ZNF777: variants seen among roughly 807,000 people sequenced by gnomAD.
ZNF777 encodes the protein zinc finger protein 777.
ZNF777 carries 7 observed loss-of-function variants against 72.1 expected under a neutral mutation model. That is an observed-to-expected ratio of 0.10 (90% CI 0.06 to 0.18). The LOEUF is 0.18. ZNF777 is among the 10% of genes least tolerant of loss of function. ZNF777 has a pLI of 1.00. For missense variants in ZNF777, 828 were observed against 1,128.6 expected (o/e 0.73, Z 3.82); for synonymous variants, 545 against 483.5 (o/e 1.13, Z -1.67).
At chr7:149,439,853 A>C (rs946063036) in intron 4 of ZNF777, among the ~76,000 whole-genome samples, 1 of 152,212 alleles carries the variant, frequency 6.6e-6, no homozygotes, top group African/African-American at 2.4e-5. Context: ...GAAAATAAAG[A>C]AACTTTGGGA....
chr7:149,448,373 G>C (rs1360160848), intron 4 of ZNF777, among the ~76,000 whole-genome samples: 2 of 151,108 alleles, frequency 1.3e-5, no homozygotes, highest in East Asian at 3.9e-4. Context: ...AGGAGGCTGA[G>C]GCAAGAGAAT....
intron 4 of ZNF777, among the ~76,000 whole-genome samples, chr7:149,443,637 CTTCT>C (rs905035024): frequency 4.6e-5 from 7 of 152,082 alleles, no homozygotes; most frequent in African/African-American, 1.7e-4. Flanking sequence ...TTCTTCAAAA[CTTCT>C]TTTTTTTGAG....
intron 4 of ZNF777, among the ~76,000 whole-genome samples, chr7:149,444,472 CT>C (rs1291195674): frequency 6.6e-6 from 1 of 152,176 alleles, no homozygotes; most frequent in African/African-American, 2.4e-5. Context: ...CGGAATGCCC[CT>C]GGGCCGTGTG....
chr7:149,456,439 C>T (rs938110835), intron 1 of ZNF777, among the ~76,000 whole-genome samples: 2 of 152,160 alleles, frequency 1.3e-5, no homozygotes, highest in Admixed American at 6.5e-5. Context: ...GTCCTGTGTC[C>T]TCATCCATAA....
At chr7:149,439,799 C>A (rs1273239904) in intron 4 of ZNF777, among the ~76,000 whole-genome samples, 2 of 152,014 alleles carry the variant, frequency 1.3e-5, no homozygotes, top group African/African-American at 4.8e-5. Context: ...TTAAGTTATC[C>A]TTAGTGATTA....
intron 4 of ZNF777, among the ~76,000 whole-genome samples, chr7:149,449,050 T>C (rs892250633): frequency 1.3e-4 from 20 of 152,236 alleles, no homozygotes; most frequent in African/African-American, 4.8e-4. Flanking sequence ...TTGCTGCCAT[T>C]CTGCAAAAGG....
chr7:149,447,467 C>T (rs1799625590), intron 4 of ZNF777, among the ~76,000 whole-genome samples: 1 of 152,202 alleles, frequency 6.6e-6, no homozygotes, highest in Admixed American at 6.5e-5. Context: ...TACCCTCCCT[C>T]TACTCTTACT....
At position 149,432,521 on chromosome 7, in the gene ZNF777, C is replaced by G. The variant is rs772762582; in HGVS notation, c.1751G>C (p.Arg584Pro). The G allele has an allele frequency of 3.1e-6, 5 of 1,613,790 alleles. No homozygotes were observed. The highest frequency in any genetic ancestry group is 4.2e-6 in the Non-Finnish European group (5 of 1,179,894). ...GTGCAGCGTGAGCTGTTGCTTGTGCCGGAAGCTGATCTCGCATTCGGCGCA... is the reference window on the plus strand; with the variant it reads ...GTGCAGCGTGAGCTGTTGCTTGTGCGGGAAGCTGATCTCGCATTCGGCGCA... ...YECAECEISFRHKQQLTLHQR... is the reference protein window; with the variant it reads ...YECAECEISFPHKQQLTLHQR... Residue 584 changes from arginine to proline, a missense_variant, in exon 6 of 6, where the codon CGG becomes CCG. By Grantham distance (103) the Arg-to-Pro change is moderately radical. Around this residue, in one of 12 missense-constraint regions of ZNF777, gnomAD observed 100 missense variants for 106.2 expected, o/e 0.94. Coordinates refer to ENST00000247930, the MANE Select transcript of ZNF777 (RefSeq NM_015694.3).
intron 4 of ZNF777, among the ~76,000 whole-genome samples, chr7:149,445,149 G>A (rs1799581541): frequency 1.3e-5 from 2 of 151,496 alleles, no homozygotes; most frequent in South Asian, 4.2e-4. Flanking sequence ...TCTCTAATTT[G>A]TACTATTACA....
intron 4 of ZNF777, among the ~76,000 whole-genome samples, chr7:149,448,722 T>C (rs1270547881): frequency 1.3e-5 from 2 of 151,540 alleles, no homozygotes; most frequent in East Asian, 3.9e-4. Flanking sequence ...ATTTCAGCCA[T>C]GCCTTCTGGT....
chr7:149,432,411 G>T lies in ZNF777; in HGVS notation c.1861C>A (p.Pro621Thr), dbSNP rs1427135783. ...FNPKHALKPR[P>T]KSPSSGSGGG... ...CCGCTACCAGAGCTGGGTGACTTGG[G>T]ACGCGGCTTGAGCGCGTGCTTGGGG... The change falls in exon 6 of 6, where the codon CCC becomes ACC. Residue 621 changes from proline to threonine, a missense_variant. Physicochemically the swap from Pro to Thr is conservative, Grantham distance 38 (BLOSUM62 -1). This residue lies in a region of ZNF777 where 100 missense variants were observed against 106.2 expected (regional missense o/e 0.94). Transcript: ENST00000247930. 5.0e-6 allele frequency: 8 copies of T among 1,613,312 alleles called. No individual in the cohort carries two copies. The highest frequency in any genetic ancestry group is 6.8e-6 in the Non-Finnish European group (8 of 1,179,952).
rs937438880 is a variant in ZNF777 at position 149,451,085 on chromosome 7, A to G, written c.1001T>C (p.Met334Thr). Residue 334 changes from methionine (M) to threonine (T), a missense_variant, in exon 4 of 6, where the codon ATG (methionine) becomes ACG (threonine). Physicochemically the swap from Met to Thr is moderately conservative, Grantham distance 81. Around this residue, in one of 12 missense-constraint regions of ZNF777, gnomAD observed 73 missense variants for 90.6 expected, o/e 0.81. Transcript: ENST00000247930. ...CCGCTCCCCGCGCTCCATCTGTGAC[A>G]TGAGGTCTGGTTTGGAAATTGCATA... is the stretch of plus-strand genomic sequence containing the variant. ...MDYAISKPDL[M>T]SQMERGERPT... 1.9e-6 allele frequency: 3 copies of G among 1,613,896 alleles called. No homozygotes were observed. Among genetic ancestry groups the G allele is most frequent in the Non-Finnish European group, 2.5e-6 (3 of 1,180,030 alleles).
At chr7:149,435,922 A>C (rs1223741525) in intron 5 of ZNF777, among the ~76,000 whole-genome samples, 2 of 152,248 alleles carry the variant, frequency 1.3e-5, no homozygotes, top group Non-Finnish European at 2.9e-5. Flanking sequence ...TAAGTCCAAT[A>C]GTGAATTCAA....
intron 1 of ZNF777, chr7:149,459,640 C>G (rs534436563): frequency 1.0e-6 from 1 of 985,190 alleles, no homozygotes; most frequent in East Asian, 1.1e-4. Context: ...GCTGCCGCAC[C>G]GTGCCACGGA....
At position 149,432,298 on chromosome 7, in the gene ZNF777, G is replaced by A; in HGVS notation, c.1974C>T (p.His658=). Residue 658 remains histidine, a synonymous_variant, in exon 6 of 6, where the codon CAC becomes CAT. Coordinates refer to ENST00000247930, the MANE Select transcript of ZNF777 (RefSeq NM_015694.3). ...KSSLTKHQIT[H]TGERPYTCPE... ...GGCACGTGTAGGGCCGCTCACCCGTGTGCGTGATCTGGTGTTTGGTCAGGC... is the reference window on the plus strand; with the variant it reads ...GGCACGTGTAGGGCCGCTCACCCGTATGCGTGATCTGGTGTTTGGTCAGGC... 6.2e-7 allele frequency: 1 copy of A among 1,609,884 alleles called. No homozygotes were observed. Among genetic ancestry groups the A allele is most frequent in the South Asian group, 1.1e-5 (1 of 91,078 alleles).
At chr7:149,453,196 G>C (rs1799757451) in intron 3 of ZNF777, among the ~76,000 whole-genome samples, 1 of 152,210 alleles carries the variant, frequency 6.6e-6, no homozygotes, top group Non-Finnish European at 1.5e-5. Flanking sequence ...CCTCTGGGGA[G>C]TGGTACTGGT....
intron 4 of ZNF777, among the ~76,000 whole-genome samples, chr7:149,448,898 A>G (rs1799665302): frequency 6.6e-6 from 1 of 152,172 alleles, no homozygotes; most frequent in African/African-American, 2.4e-5. Flanking sequence ...GAAGCCAACC[A>G]TTAAATGATA....
At chr7:149,459,453 A>G (rs1036487540) in intron 1 of ZNF777, among the ~76,000 whole-genome samples, 1 of 151,994 alleles carries the variant, frequency 6.6e-6, no homozygotes, top group South Asian at 2.1e-4. Flanking sequence ...TGGAGCTCAG[A>G]GGGTCACCTG....
rs767820856 is a variant in ZNF777 at position 149,431,938 on chromosome 7, G to A, written c.2334C>T (p.Tyr778=). 2 of 1,610,802 alleles carry A rather than the reference G, an allele frequency of 1.2e-6. No individual in the cohort carries two copies. The highest frequency in any genetic ancestry group is 3.3e-5 in the Admixed American group (2 of 59,988). ...AGCGCTTGCCGCACTCGGCGCAGTG[G>A]TAGGGCCGCTCGCCTGTGTGGATGC... ...HRRIHTGERP[Y]HCAECGKRFT... is the part of the protein sequence containing the mutation. The change falls in exon 6 of 6, where the codon TAC becomes TAT. Residue 778 remains tyrosine (Y), a synonymous_variant. Transcript: ENST00000247930.
Sources: gnomAD v4.1 joint callset for allele counts (sites outside exome capture counted in the v4.1 genomes callset) on GRCh38, gnomAD v4.1.1 for gene constraint, gnomAD v4.1.1 regional missense constraint, MANE v1.5 for transcripts, NCBI Gene and HGNC (gene_info 2026-07-23, HGNC 2026-07-21) for gene names.